Variants in IBTK observed in about 807,000 individuals in gnomAD.
IBTK encodes the protein inhibitor of Bruton tyrosine kinase.
IBTK carries 83 observed loss-of-function variants against 154.9 expected under a neutral mutation model. That is an observed-to-expected ratio of 0.54 (90% CI 0.45 to 0.64). The LOEUF (loss-of-function observed/expected upper bound fraction) is 0.64, where lower values mean the gene tolerates loss of function less well. Among genes scored for constraint, IBTK ranks in the 30% least tolerant of loss-of-function variants. The pLI is 0.00. For missense variants in IBTK, 1,332 were observed against 1,584.6 expected (o/e 0.84, Z 2.71); for synonymous variants, 515 against 536.1 (o/e 0.96, Z 0.54).
At chr6:82,215,939 T>C (rs911439474) in intron 11 of IBTK, 137 bp downstream of exon 11, 7 of 594,880 alleles carry the variant, frequency 1.2e-5, no homozygotes, top group Non-Finnish European at 2.0e-5. Flanking sequence ...ACATAATCTG[T>C]AAACATGATT....
Position 82,218,069 on chromosome 6 carries a change from G to A in IBTK, c.1317C>T (p.Phe439=). 1 of 1,612,370 alleles carries A rather than the reference G, an allele frequency of 6.2e-7. No homozygotes were observed. Among genetic ancestry groups the A allele is most frequent in the African/African-American group, 1.3e-5 (1 of 74,934 alleles). The change falls in exon 10 of 29, where the codon TTC becomes TTT. Residue 439 remains phenylalanine (F), a synonymous_variant. Coordinates refer to ENST00000306270, the MANE Select transcript of IBTK (RefSeq NM_015525.4). The part of the protein sequence containing the change: ...QCRWAYPRQV[F]ISDIALNRNE... Reference sequence around the variant, plus strand: ...TTCTATTTAAAGCAATATCAGAAATGAAGACCTGACGTGGATAGGCCCATC... The same window carrying A: ...TTCTATTTAAAGCAATATCAGAAATAAAGACCTGACGTGGATAGGCCCATC...
rs113780079 is a variant in IBTK, at chr6:82,185,294, C to T, written c.3576-3266G>A. Among the ~76,000 whole-genome samples, 457 of 151,332 alleles carry T rather than the reference C, an allele frequency of 3.0e-3. 4 individuals are homozygous for T. Among genetic ancestry groups the T allele is most frequent in the African/African-American group, 0.01 (420 of 41,210 alleles). Reference sequence around the variant, plus strand: ...TGTTAACTTCAGCCAGGAACAGTGGCTCATGCCTGTAATCCCAACACTTTC... The same window carrying T: ...TGTTAACTTCAGCCAGGAACAGTGGTTCATGCCTGTAATCCCAACACTTTC... On this transcript the variant is annotated intron_variant, in intron 25 of 28. Transcript: ENST00000306270.
chr6:82,197,373 A>ATTTTTTTTTTTTT (rs11422131), intron 21 of IBTK, among the ~76,000 whole-genome samples: 5 of 138,402 alleles, frequency 3.6e-5, no homozygotes, highest in African/African-American at 5.4e-5. Context: ...ATCTTTTTGA[A>ATTTTTTTTTTTTT]TTTTTTTTTT....
At chr6:82,177,275 T>C (rs1421222240) in intron 26 of IBTK, among the ~76,000 whole-genome samples, 1 of 152,154 alleles carries the variant, frequency 6.6e-6, no homozygotes, top group African/African-American at 2.4e-5. Context: ...GGTGACGTGA[T>C]CCTGGCTCAC....
intron 3 of IBTK, 37 bp downstream of exon 3, chr6:82,234,122 A>T (rs535856474): frequency 9.5e-7 from 1 of 1,047,688 alleles, no homozygotes; most frequent in African/African-American, 1.6e-5. Flanking sequence ...TACAGGTGTG[A>T]GCCGCAGCGC....
intron 25 of IBTK, among the ~76,000 whole-genome samples, chr6:82,185,186 A>G (rs1270668762): frequency 6.9e-6 from 1 of 144,502 alleles, no homozygotes; most frequent in Non-Finnish European, 1.5e-5. Flanking sequence ...CTGTCTCAGA[A>G]AAAAAAAAAA....
intron 1 of IBTK, among the ~76,000 whole-genome samples, chr6:82,242,157 G>T (rs1289377943): frequency 6.6e-6 from 1 of 151,746 alleles, no homozygotes; most frequent in African/African-American, 2.4e-5. Context: ...ATCACCTGAG[G>T]TTGGGAGTTT....
At chr6:82,226,681 A>C (rs1770311031) in intron 5 of IBTK, among the ~76,000 whole-genome samples, 1 of 151,154 alleles carries the variant, frequency 6.6e-6, no homozygotes, top group Admixed American at 6.6e-5. Context: ...ATCTCGGCTC[A>C]CCGCAACCTC....
chr6:82,204,467 T>C (rs1769322967), intron 17 of IBTK, among the ~76,000 whole-genome samples: 1 of 152,072 alleles, frequency 6.6e-6, no homozygotes, highest in Admixed American at 6.6e-5. Flanking sequence ...AATGGGAAAG[T>C]TAAATTTTTA....
At chr6:82,220,444 T>C in intron 9 of IBTK, 146 bp downstream of exon 9, 1 of 732,376 alleles carries the variant, frequency 1.4e-6, no homozygotes, top group Non-Finnish European at 2.1e-6. Flanking sequence ...AATGGATGTC[T>C]AAAACATACT....
chr6:82,237,922 C>T (rs1770792757), intron 2 of IBTK, among the ~76,000 whole-genome samples: 1 of 151,930 alleles, frequency 6.6e-6, no homozygotes, highest in African/African-American at 2.4e-5. Flanking sequence ...CCTCCACAAA[C>T]ATGACAAAAT....
intron 10 of IBTK, 22 bp from the exon 11 acceptor site, chr6:82,216,272 C>T: frequency 1.3e-6 from 2 of 1,488,520 alleles, no homozygotes; most frequent in Non-Finnish European, 9.2e-7. Flanking sequence ...AAATAAACTA[C>T]CATTAATCAA....
chr6:82,204,736 G>A, intron 17 of IBTK, 121 bp downstream of exon 17: 1 of 473,488 alleles, frequency 2.1e-6, no homozygotes. Flanking sequence ...TATTTTGGCA[G>A]GTTTTCGTGG....
In IBTK at chr6:82,181,917, A is replaced by G. The variant is rs1439050427; in HGVS notation, c.3687T>C (p.Phe1229=). The change falls in exon 26 of 29, where the codon TTT becomes TTC. Residue 1229 remains phenylalanine (F), a synonymous_variant. Coordinates refer to ENST00000306270, the MANE Select transcript of IBTK (RefSeq NM_015525.4). ...GTGCCTGAGAATTTTCAATTCCTTT[A>G]AAAGAAACTTTTTTGACATGATCGC... ...SSGDHVKKVS[F]KGIENSQAPK... is the part of the protein sequence containing the mutation. 6.3e-7 allele frequency: 1 copy of G among 1,588,694 alleles called. No homozygotes were observed. The highest frequency in any genetic ancestry group is 1.4e-5 in the African/African-American group (1 of 73,220).
chr6:82,199,234 A>T (rs1038420252), intron 21 of IBTK, among the ~76,000 whole-genome samples: 3 of 151,688 alleles, frequency 2.0e-5, no homozygotes, highest in African/African-American at 7.3e-5. Flanking sequence ...AAGTCTCTGT[A>T]TTGTGTGTGT....
intron 28 of IBTK, 76 bp downstream of exon 28, chr6:82,172,304 A>G: frequency 6.8e-7 from 1 of 1,465,044 alleles, no homozygotes; most frequent in Admixed American, 2.1e-5. Context: ...CAAAACAAAC[A>G]AACACGATTT....
chr6:82,181,521 G>T (rs1768316542), intron 26 of IBTK, among the ~76,000 whole-genome samples: 1 of 152,124 alleles, frequency 6.6e-6, no homozygotes, highest in Non-Finnish European at 1.5e-5. Flanking sequence ...CTGCTTGGGA[G>T]GGGGAAACAG....
At position 82,212,603 on chromosome 6, in the gene IBTK, T is replaced by G; in HGVS notation, c.2291+104A>C. 3 of 725,726 alleles carry G rather than the reference T, an allele frequency of 4.1e-6. No homozygotes were observed. The Admixed American group carries it at 6.6e-5, about 16-fold the overall frequency. 45.0% of individuals were successfully genotyped at this position (725,726 alleles called of 1,614,324 possible). On this transcript the variant is annotated intron_variant, in intron 13 of 28. Coordinates refer to ENST00000306270, the MANE Select transcript of IBTK (RefSeq NM_015525.4). ...GAATACTAGAAAAGGTAAGAGGGTA[T>G]CTACCTATACATTTTGCTTCATATG...
At chr6:82,214,878 T>A in intron 11 of IBTK, 49 bp from the exon 12 acceptor site, 1 of 1,472,374 alleles carries the variant, frequency 6.8e-7, no homozygotes, top group Non-Finnish European at 9.1e-7. Flanking sequence ...ATGAAGGAAA[T>A]CCTTTTTCAT....
Sources: gnomAD v4.1 joint callset for allele counts (sites outside exome capture counted in the v4.1 genomes callset) on GRCh38, gnomAD v4.1.1 for gene constraint, MANE v1.5 for transcripts, NCBI Gene and HGNC (gene_info 2026-07-23, HGNC 2026-07-21) for gene names.